C2CD2: variants seen among roughly 807,000 people sequenced by gnomAD.
C2CD2 encodes the protein C2 calcium dependent domain containing 2.
C2CD2 carries 43 observed loss-of-function variants against 74.3 expected under a neutral mutation model. The ratio of observed to expected loss-of-function variants is 0.58; its 90% CI spans 0.45 to 0.75. The LOEUF (loss-of-function observed/expected upper bound fraction) is 0.75, where lower values mean the gene tolerates loss of function less well. C2CD2 is among the 30% of genes least tolerant of loss of function. The pLI is 0.00. For synonymous variants in C2CD2, 422 were observed against 390.7 expected (o/e 1.08, Z -0.94); for missense variants, 801 against 916.3 (o/e 0.87, Z 1.63).
chr21:41,944,221 A>T (rs1177914165), intron 1 of C2CD2, among the ~76,000 whole-genome samples: 2 of 152,178 alleles, frequency 1.3e-5, no homozygotes, highest in African/African-American at 4.8e-5. Flanking sequence ...AAACCTTGAA[A>T]AGAGTTTGCA....
rs757087434 is a variant in C2CD2 at position 41,899,240 on chromosome 21, C to G, written c.1683G>C (p.Glu561Asp). The G allele has an allele frequency of 6.2e-7, 1 of 1,612,532 alleles. No homozygotes were observed. Residue 561 changes from glutamate (E) to aspartate (D), a missense_variant, in exon 13 of 14, where the codon GAG (glutamate) becomes GAC (aspartate). Glu to Asp is a conservative substitution (Grantham distance 45, BLOSUM62 2). Transcript: ENST00000380486. This position sits in a 1 kb window ranked among gnomAD's most constrained non-coding sequence, Gnocchi z 4.4. ...PERAAASAPP[E>D]EAESAQASLA... ...GGGATGCCTGGGCTGACTCGGCTTCCTCTGGCGGGGCAGAGGCTGCCGCCC... is the reference window on the plus strand; with the variant it reads ...GGGATGCCTGGGCTGACTCGGCTTCGTCTGGCGGGGCAGAGGCTGCCGCCC...
chr21:41,901,906 G>C (rs1410785622), intron 11 of C2CD2, among the ~76,000 whole-genome samples, 157 bp from the exon 12 acceptor site: 1 of 152,218 alleles, frequency 6.6e-6, no homozygotes, highest in Non-Finnish European at 1.5e-5. Context: ...GGTGGTCTCT[G>C]CAACAACTTC....
intron 13 of C2CD2, among the ~76,000 whole-genome samples, chr21:41,897,336 C>G (rs2064835774): frequency 6.6e-6 from 1 of 152,154 alleles, no homozygotes; most frequent in South Asian, 2.1e-4. Context: ...GCCATCCAGT[C>G]AGGTAAGGGA....
chr21:41,951,548 G>T (rs2065450843), intron 1 of C2CD2, among the ~76,000 whole-genome samples: 1 of 152,178 alleles, frequency 6.6e-6, no homozygotes, highest in African/African-American at 2.4e-5. Context: ...CAACAGCAGA[G>T]AGAGAACAGA....
At chr21:41,912,141 T>C in intron 7 of C2CD2, 191 bp downstream of exon 7, 1 of 534,366 alleles carries the variant, frequency 1.9e-6, no homozygotes, top group Non-Finnish European at 3.3e-6. Flanking sequence ...AAACTGACTC[T>C]AAGAGCTGCC....
In C2CD2 at chr21:41,931,386, G is replaced by A. The variant is rs1236917368; in HGVS notation, c.379-9301C>T. On this transcript the variant is annotated intron_variant, in intron 2 of 13. Transcript: ENST00000380486. ...TGGCACAAAGCTCTGAAAACCCTTG[G>A]AATCTCCCGAGAGATAAGAGCGTCT... Among the ~76,000 whole-genome samples the A allele has an allele frequency of 2.0e-5, 3 of 149,320 alleles. No homozygotes were observed. The East Asian group carries it at 5.9e-4, about 29-fold the overall frequency.
intron 11 of C2CD2, among the ~76,000 whole-genome samples, chr21:41,902,855 A>G (rs529460793): frequency 8.4e-4 from 128 of 152,240 alleles, no homozygotes; most frequent in African/African-American, 3.1e-3. Flanking sequence ...CATTCCTAAT[A>G]AGCCCCTGCA....
intron 2 of C2CD2, among the ~76,000 whole-genome samples, chr21:41,938,730 T>C (rs1297271294): frequency 1.3e-5 from 2 of 151,094 alleles, no homozygotes; most frequent in Non-Finnish European, 2.9e-5. Flanking sequence ...TGTCAGAATG[T>C]CCTTGCTTTC....
At chr21:41,901,022 A>T (rs28729213) in intron 12 of C2CD2, 3 of 152,464 alleles carry the variant, frequency 2.0e-5, no homozygotes, top group African/African-American at 7.2e-5. Context: ...AATCAATTTT[A>T]AAAAATGTAA....
intron 1 of C2CD2, chr21:41,942,949 C>T: frequency 1.0e-6 from 1 of 984,752 alleles, no homozygotes; most frequent in Non-Finnish European, 1.2e-6. Context: ...CATGTTCCCC[C>T]AGCATCCTTC....
chr21:41,906,590 C>T (rs1216663322), intron 10 of C2CD2, among the ~76,000 whole-genome samples: 1 of 152,170 alleles, frequency 6.6e-6, no homozygotes, highest in Non-Finnish European at 1.5e-5. Context: ...GTCTCAGACT[C>T]CTGACCTCAG....
intron 5 of C2CD2, among the ~76,000 whole-genome samples, chr21:41,916,650 C>T (rs1419208341): frequency 7.3e-6 from 1 of 137,812 alleles, no homozygotes; most frequent in African/African-American, 2.8e-5. Flanking sequence ...GCCTTCATAA[C>T]TGTGTGAGCT....
In C2CD2 at chr21:41,907,082, C is replaced by A. The variant is rs1260012942; in HGVS notation, c.1228G>T (p.Val410Leu). The change falls in exon 10 of 14, where the codon GTG (valine) becomes TTG (leucine). Residue 410 changes from valine to leucine, a missense_variant. Transcript: ENST00000380486. ...PAAKIEKDRTVMPCGTVVTTV... is the reference protein window; with the variant it reads ...PAAKIEKDRTLMPCGTVVTTV... ...GTGACCACAGTCCCACAGGGCATCA[C>A]CGTGCGGTCCTTTTCTATTTTTGCA... 2.5e-6 allele frequency: 4 copies of A among 1,613,794 alleles called. No homozygotes were observed. The highest frequency in any genetic ancestry group is 8.5e-7 in the Non-Finnish European group (1 of 1,179,782).
rs958847567 is a variant in C2CD2, at chr21:41,888,994, G to T, written c.*130C>A. 7 of 711,492 alleles carry T rather than the reference G, an allele frequency of 9.8e-6. No homozygotes were observed. The African/African-American group carries it at 1.2e-4, about 13-fold the overall frequency. 44.1% of individuals were successfully genotyped at this position (711,492 alleles called of 1,614,324 possible). A position where few individuals can be genotyped will look rare whatever the true frequency, so the allele number is the denominator to read the frequency against. On this transcript the variant is annotated 3_prime_UTR_variant, in exon 14 of 14. Transcript: ENST00000380486. Reference sequence around the variant, plus strand: ...AGATTTTGTTTTCCCTTTAAATGACGAGATGGTTGGAAGAAACCCAGCAAG... The same window carrying T: ...AGATTTTGTTTTCCCTTTAAATGACTAGATGGTTGGAAGAAACCCAGCAAG...
At chr21:41,910,659 G>T (rs945525853) in intron 7 of C2CD2, among the ~76,000 whole-genome samples, 1 of 151,926 alleles carries the variant, frequency 6.6e-6, no homozygotes, top group Non-Finnish European at 1.5e-5. Context: ...TAAGGCAGCT[G>T]TCATCTTTTC....
In C2CD2 at chr21:41,953,393, TCA is replaced by T; in HGVS notation, c.254_255del (p.Leu85GlnfsTer16). The T allele has an allele frequency of 7.1e-7, 1 of 1,418,080 alleles. No homozygotes were observed. Among genetic ancestry groups the T allele is most frequent in the Non-Finnish European group, 9.2e-7 (1 of 1,082,174 alleles). 87.8% of individuals were successfully genotyped at this position (1,418,080 alleles called of 1,614,324 possible). On this transcript the variant is annotated frameshift_variant, in exon 1 of 14. Transcript: ENST00000380486. LOFTEE classifies it high-confidence loss of function. Reference sequence around the variant, plus strand: ...ACCCCTTTCCTCTCGGCCTCCTCGTTCAGGGCGGTCACCCAGGCCGCCTGCCA... The same window carrying T: ...ACCCCTTTCCTCTCGGCCTCCTCGTTGGGCGGTCACCCAGGCCGCCTGCCA... ...SQWQAAWVTA[L>X]NEEAERKGGP...
Position 41,895,374 on chromosome 21 carries a change from T to A in C2CD2, c.1870+3679A>T, listed in dbSNP as rs2064810180. Among the ~76,000 whole-genome samples the A allele has an allele frequency of 6.6e-6, 1 of 152,182 alleles. No homozygotes were observed. On this transcript the variant is annotated intron_variant, in intron 13 of 13. Transcript: ENST00000380486. This position sits in a 1 kb window ranked among gnomAD's most constrained non-coding sequence, Gnocchi z 5.0. Reference sequence around the variant, plus strand: ...TCTGCTTGACTTTGAGCCCGCAGAATGTGTTGCCCTTTGCTGATAGTGAAG... The same window carrying A: ...TCTGCTTGACTTTGAGCCCGCAGAAAGTGTTGCCCTTTGCTGATAGTGAAG...
At position 41,929,205 on chromosome 21, in the gene C2CD2, CT is replaced by C. The variant is rs2065242842; in HGVS notation, c.379-7121del. Among the ~76,000 whole-genome samples the C allele has an allele frequency of 6.6e-6, 1 of 152,190 alleles. No homozygotes were observed. Among genetic ancestry groups the C allele is most frequent in the Non-Finnish European group, 1.5e-5 (1 of 68,038 alleles). ...GATTCTGGAGGCCAAATGAGGTTCA[CT>C]CTGGCCTCTGCTGCGTCAGAGCTCC... On this transcript the variant is annotated intron_variant, in intron 2 of 13. Transcript: ENST00000380486. The surrounding 1 kb of genome is among the most constrained non-coding windows in gnomAD (Gnocchi z 4.6).
intron 3 of C2CD2, chr21:41,919,181 AGT>A: frequency 1.7e-6 from 1 of 584,902 alleles, no homozygotes; most frequent in Non-Finnish European, 3.1e-6. Flanking sequence ...TGTGCATGTG[AGT>A]GTGAATGTGT....
Sources: allele counts gnomAD v4.1 joint callset (sites outside exome capture counted in the v4.1 genomes callset), GRCh38; gene constraint gnomAD v4.1.1; non-coding constraint Gnocchi (gnomAD v3.1); transcripts MANE v1.5; gene names NCBI Gene and HGNC (gene_info 2026-07-23, HGNC 2026-07-21).